The following C14orf39 variants were observed in gnomAD, a reference collection of about 807,000 sequenced individuals.
C14orf39 encodes protein SIX6OS1.
Under a neutral mutation model 85.6 loss-of-function variants are expected in C14orf39, and 66 were observed. The ratio of observed to expected loss-of-function variants is 0.77; its 90% CI spans 0.63 to 0.95. C14orf39 has a LOEUF of 0.95. Among genes scored for constraint, C14orf39 ranks in the 40% least tolerant of loss-of-function variants. The pLI is 0.00. For synonymous variants in C14orf39, 242 were observed against 214.0 expected, an observed-to-expected ratio of 1.13 and a Z score of -1.14; for missense variants, 735 against 663.9, an observed-to-expected ratio of 1.11 and a Z score of -1.18.
upstream of C14orf39, among the ~76,000 whole-genome samples, chr14:60,489,462 C>T (rs1892952952): frequency 6.6e-6 from 1 of 152,130 alleles, no homozygotes; most frequent in Non-Finnish European, 1.5e-5. Context: ...TAATATAATG[C>T]CCAGCACATA....
At chr14:60,495,790 G>A (rs919452567) in intron 2 of C14orf39, 19 of 250,862 alleles carry the variant, frequency 7.6e-5, no homozygotes, top group African/African-American at 4.0e-4. Flanking sequence ...GCTTGTAGAC[G>A]ATGGTTTTGT....
chr14:60,495,470 C>G (rs1261360285), intron 2 of C14orf39: 3 of 177,856 alleles, frequency 1.7e-5, no homozygotes, highest in Non-Finnish European at 3.6e-5. Flanking sequence ...TGAGGTACAC[C>G]TATGGAGAGC....
At chr14:60,487,338 A>G (rs1053082523), upstream of C14orf39, among the ~76,000 whole-genome samples, 5 of 152,160 alleles carry the variant, frequency 3.3e-5, no homozygotes, top group Non-Finnish European at 5.9e-5. Context: ...CTATGGGCTC[A>G]GCTTTTTCAG....
chr14:60,436,974 T>C lies in C14orf39; in HGVS notation c.1635A>G (p.Thr545=). The part of the protein sequence containing the change: ...FSFPSDTSTH[T]FGAGKDDFSF... ...TAAAATCATCTTTTCCAGCTCCAAA[T>C]GTATGAGTTGAAGTGTCTGATGGAA... The change falls in exon 18 of 18, where the codon ACA becomes ACG. Residue 545 remains threonine, a synonymous_variant. Transcript: ENST00000321731. 4 of 1,613,124 alleles carry C rather than the reference T, an allele frequency of 2.5e-6. No individual in the cohort carries two copies. Among genetic ancestry groups the C allele is most frequent in the South Asian group, 1.1e-5 (1 of 91,010 alleles).
At position 60,436,381 on chromosome 14, in the gene C14orf39, T is replaced by C. The variant is rs1327837038; in HGVS notation, c.*464A>G. The C allele has an allele frequency of 6.5e-6, 1 of 153,126 alleles. No homozygotes were observed. Among genetic ancestry groups the C allele is most frequent in the Non-Finnish European group, 1.5e-5 (1 of 68,840 alleles). The allele number at this position is 153,126 out of a possible 1,614,324, so 9.5% of individuals were successfully genotyped here. On this transcript the variant is annotated 3_prime_UTR_variant, in exon 18 of 18. Transcript: ENST00000321731. ...TGAAATTATTATTACAGTACCACTC[T>C]GTATACTACATAGTGAAGCAGAAGT...
At chr14:60,489,124 A>T (rs1892947348), upstream of C14orf39, among the ~76,000 whole-genome samples, 1 of 152,196 alleles carries the variant, frequency 6.6e-6, no homozygotes, top group Non-Finnish European at 1.5e-5. Flanking sequence ...TCAGGGAGTT[A>T]TCCAAATATT....
intron 1 of C14orf39, among the ~76,000 whole-genome samples, chr14:60,513,831 G>A (rs1893327233): frequency 1.3e-5 from 2 of 152,172 alleles, no homozygotes; most frequent in South Asian, 2.1e-4. Flanking sequence ...TTATTGCTTG[G>A]ACAAAAAGAG....
intron 17 of C14orf39, 81 bp from the exon 18 acceptor site, chr14:60,437,128 A>G: frequency 1.2e-6 from 1 of 857,652 alleles, no homozygotes; most frequent in Non-Finnish European, 1.8e-6. Flanking sequence ...AGCATACTGC[A>G]TACAATAAAT....
rs1433841029 is a variant in C14orf39 at position 60,484,332 on chromosome 14, TTC to T, written c.107-517_107-516del. 3.3e-5 allele frequency among the ~76,000 whole-genome samples: 5 copies of T among 152,216 alleles called. No homozygotes were observed. The highest frequency in any genetic ancestry group is 5.9e-5 in the Non-Finnish European group (4 of 68,026). ...TAAAATAAATTCTTAATATTCTGTA[TTC>T]TTTTTTGATTGCAGAAAATATAACC... On this transcript the variant is annotated intron_variant, in intron 3 of 17. Coordinates refer to ENST00000321731, the MANE Select transcript of C14orf39 (RefSeq NM_174978.3). The surrounding 1 kb of genome is among the most constrained non-coding windows in gnomAD (Gnocchi z 4.2).
chr14:60,473,806 C>G (rs1390533587), intron 5 of C14orf39, among the ~76,000 whole-genome samples: 2 of 152,080 alleles, frequency 1.3e-5, no homozygotes, highest in Non-Finnish European at 2.9e-5. Flanking sequence ...GTTGCTGTAG[C>G]CTTGTAGTAT....
At chr14:60,508,957 CGCATGTCTTTTCAACCTCCAGGTTCT>C (rs985023195) in intron 1 of C14orf39, 13 of 201,252 alleles carry the variant, frequency 6.5e-5, no homozygotes, top group Non-Finnish European at 7.0e-5. Flanking sequence ...CCCAGACACT[CGCATGTCTTTTCAACCTCCAGGTTCT>C]GCAAAATACT....
At chr14:60,480,320 G>A (rs1372312472) in intron 4 of C14orf39, among the ~76,000 whole-genome samples, 1 of 152,154 alleles carries the variant, frequency 6.6e-6, no homozygotes, top group Admixed American at 6.5e-5. Context: ...TACTCGGAAG[G>A]CTGAGACAGG....
At chr14:60,440,596 T>C (rs73305271) in intron 17 of C14orf39, among the ~76,000 whole-genome samples, 4,995 of 152,210 alleles carry the variant, frequency 0.033, 283 homozygotes, top group African/African-American at 0.11. Context: ...TACAGTCTGT[T>C]CTCCACATAG....
upstream of C14orf39, among the ~76,000 whole-genome samples, chr14:60,490,528 G>A (rs1381095221): frequency 6.6e-6 from 1 of 151,998 alleles, no homozygotes; most frequent in Non-Finnish European, 1.5e-5. Flanking sequence ...GGAGGCTGGG[G>A]CGGGAAGATC....
intron 1 of C14orf39, chr14:60,509,397 C>G: frequency 1.3e-6 from 2 of 1,599,238 alleles, no homozygotes; most frequent in Non-Finnish European, 1.7e-6. Flanking sequence ...GGCACTGCCT[C>G]GATGTTCCAG....
chr14:60,480,634 T>C (rs1892596030), intron 4 of C14orf39, among the ~76,000 whole-genome samples: 1 of 152,122 alleles, frequency 6.6e-6, no homozygotes, highest in Non-Finnish European at 1.5e-5. Context: ...AATCAGTACA[T>C]CGAAGAGATA....
At chr14:60,472,615 T>A (rs376091215) in intron 5 of C14orf39, among the ~76,000 whole-genome samples, 1 of 152,108 alleles carries the variant, frequency 6.6e-6, no homozygotes, top group Admixed American at 6.6e-5. Flanking sequence ...TGTGTTCTCA[T>A]TGTTCAATTC....
At chr14:60,509,575 C>G (rs775430989) in intron 1 of C14orf39, 2 of 1,612,890 alleles carry the variant, frequency 1.2e-6, no homozygotes, top group East Asian at 2.2e-5. Flanking sequence ...CACGAGCCAT[C>G]GTGGCCTTTC....
intron 9 of C14orf39, among the ~76,000 whole-genome samples, 173 bp downstream of exon 9, chr14:60,468,272 T>C (rs1288257353): frequency 1.4e-5 from 1 of 74,070 alleles, no homozygotes; most frequent in Non-Finnish European, 3.5e-5. Context: ...GATTTTAGTA[T>C]TAGCTCATAA....
Sources: allele counts gnomAD v4.1 joint callset (sites outside exome capture counted in the v4.1 genomes callset), GRCh38; gene constraint gnomAD v4.1.1; non-coding constraint Gnocchi (gnomAD v3.1); transcripts MANE v1.5; gene names NCBI Gene and HGNC (gene_info 2026-07-23, HGNC 2026-07-21).